The following NUP214 variants were observed in gnomAD, a reference collection of about 807,000 sequenced individuals.
NUP214 encodes nucleoporin 214, also known as nuclear pore complex protein Nup214.
A neutral mutation model predicts 196.2 loss-of-function variants in NUP214; 79 were observed. That is an observed-to-expected ratio of 0.40 (90% CI 0.34 to 0.49). The LOEUF (loss-of-function observed/expected upper bound fraction) is 0.49. NUP214 is among the 20% of genes least tolerant of loss of function. NUP214 has a pLI of 0.58. For synonymous variants in NUP214, 1,020 were observed against 990.5 expected, an observed-to-expected ratio of 1.03 and a Z score of -0.56; for missense variants, 2,468 against 2,539.0, an observed-to-expected ratio of 0.97 and a Z score of 0.60.
intron 30 of NUP214, among the ~76,000 whole-genome samples, chr9:131,203,994 T>C (rs1194466379): frequency 1.3e-5 from 2 of 152,224 alleles, no homozygotes; most frequent in East Asian, 3.8e-4. Context: ...ACTAGACTGA[T>C]ATGGTTCCAG....
At chr9:131,163,611 T>C (rs1832705629) in intron 19 of NUP214, among the ~76,000 whole-genome samples, 1 of 152,308 alleles carries the variant, frequency 6.6e-6, no homozygotes, top group African/African-American at 2.4e-5. Flanking sequence ...TTTGTGTTTA[T>C]GCTTTTAGGC....
chr9:131,136,671 C>T (rs1289455981), intron 9 of NUP214: 3 of 152,182 alleles, frequency 2.0e-5, no homozygotes, highest in Non-Finnish European at 4.4e-5. Context: ...TGTGATTCAC[C>T]AGAAGTACTT....
At chr9:131,147,334 G>C (rs1255068386) in intron 13 of NUP214, among the ~76,000 whole-genome samples, 156 bp from the exon 14 acceptor site, 1 of 152,136 alleles carries the variant, frequency 6.6e-6, no homozygotes, top group African/African-American at 2.4e-5. Context: ...ACAGAGGCTA[G>C]CACAACTGGT....
intron 17 of NUP214, among the ~76,000 whole-genome samples, chr9:131,158,773 G>C (rs561558015): frequency 1.3e-5 from 2 of 152,236 alleles, no homozygotes; most frequent in African/African-American, 4.8e-5. Context: ...TTCCCTGGGG[G>C]CCTAGGCAGC....
At chr9:131,214,643 G>A (rs1834342523) in intron 30 of NUP214, among the ~76,000 whole-genome samples, 1 of 152,170 alleles carries the variant, frequency 6.6e-6, no homozygotes. Context: ...CATCCTCTGA[G>A]CATGAGATTT....
At chr9:131,187,438 G>A in intron 25 of NUP214, 74 bp downstream of exon 25, 1 of 1,115,474 alleles carries the variant, frequency 9.0e-7, no homozygotes, top group South Asian at 1.3e-5. Flanking sequence ...CCAGGCTCAA[G>A]TGCAGTGGTG....
At chr9:131,132,254 G>A (rs977284943) in intron 5 of NUP214, among the ~76,000 whole-genome samples, 1 of 151,472 alleles carries the variant, frequency 6.6e-6, no homozygotes, top group Non-Finnish European at 1.5e-5. Context: ...CGAGTAGCTG[G>A]GATTACGGCA....
rs1409646130 is a variant in NUP214, at chr9:131,175,586, C to T, written c.3284C>T (p.Ala1095Val). ...TCAGCCCCGCAGGCAGCTGCCGCAG[C>T]AGCACTCAGGCGGCAGATGGCCAGT... is the stretch of plus-strand genomic sequence containing the variant. ...PISAPQAAAA[A>V]ALRRQMASQA... The change falls in exon 23 of 36, where the codon GCA (alanine) becomes GTA (valine). Residue 1095 changes from alanine to valine, a missense_variant. Ala to Val is a moderately conservative substitution (Grantham distance 64). Transcript: ENST00000359428. The T allele has an allele frequency of 1.2e-6, 2 of 1,614,206 alleles. No individual in the cohort carries two copies. Among genetic ancestry groups the T allele is most frequent in the Non-Finnish European group, 1.7e-6 (2 of 1,180,034 alleles).
In NUP214 at chr9:131,125,822, G is replaced by A; in HGVS notation, c.45+73G>A. On this transcript the variant is annotated intron_variant, in intron 1 of 35. Transcript: ENST00000359428. The surrounding 1 kb of genome is among the most constrained non-coding windows in gnomAD (Gnocchi z 4.1). ...CCTTGGAGCCCAGCTGAAAGGCGAA[G>A]CGCGGTGCTGGCTGTCCCGCCTCCT... 6.6e-7 allele frequency: 1 copy of A among 1,511,676 alleles called. No individual in the cohort carries two copies. Among genetic ancestry groups the A allele is most frequent in the Non-Finnish European group, 9.0e-7 (1 of 1,113,054 alleles). 93.6% of individuals were successfully genotyped at this position (1,511,676 alleles called of 1,614,324 possible).
chr9:131,188,322 T>G (rs1833512057), intron 25 of NUP214, among the ~76,000 whole-genome samples: 1 of 152,218 alleles, frequency 6.6e-6, no homozygotes, highest in African/African-American at 2.4e-5. Flanking sequence ...TGCAAACAGT[T>G]AAACAATCCA....
At chr9:131,136,069 C>G in intron 9 of NUP214, 63 bp downstream of exon 9, 4 of 1,352,900 alleles carry the variant, frequency 3.0e-6, no homozygotes, top group Non-Finnish European at 4.2e-6. Flanking sequence ...TTGAGACAGT[C>G]TCGCTCTGTT....
In NUP214 at chr9:131,159,393, G is replaced by T. The variant is rs371111817; in HGVS notation, c.2447G>T (p.Arg816Leu). 2 of 1,612,504 alleles carry T rather than the reference G, an allele frequency of 1.2e-6. No individual in the cohort carries two copies. Among genetic ancestry groups the T allele is most frequent in the Non-Finnish European group, 1.7e-6 (2 of 1,179,420 alleles). The stretch of plus-strand genomic sequence containing the variant: ...ATTTTTTTCTTATAGGAAATTCGGC[G>T]CCTTCATCAGTATGTGAAATTTGCT... Reference protein sequence around the residue: ...KSEAQLQEIRRLHQYVKFAVQ... With the variant: ...KSEAQLQEIRLLHQYVKFAVQ... The change falls in exon 18 of 36, where the codon CGC becomes CTC. Residue 816 changes from arginine to leucine, a missense_variant. By Grantham distance (102) the Arg-to-Leu change is moderately radical (BLOSUM62 -2). This residue lies in a region of NUP214 where 1,801 missense variants were observed against 1,779.4 expected (regional missense o/e 1.01). Coordinates refer to ENST00000359428, the MANE Select transcript of NUP214 (RefSeq NM_005085.4).
chr9:131,137,233 A>G (rs1370923750), intron 9 of NUP214, among the ~76,000 whole-genome samples: 1 of 152,220 alleles, frequency 6.6e-6, no homozygotes, highest in African/African-American at 2.4e-5. Context: ...GTTTTTGAAA[A>G]GTAAATAGTA....
chr9:131,157,711 T>C (rs898198248), intron 17 of NUP214, among the ~76,000 whole-genome samples: 1 of 152,088 alleles, frequency 6.6e-6, no homozygotes, highest in Non-Finnish European at 1.5e-5. Flanking sequence ...AGTGGCATGA[T>C]CTCAGCTCAC....
At chr9:131,209,594 A>G (rs929762941) in intron 30 of NUP214, among the ~76,000 whole-genome samples, 18 of 151,974 alleles carry the variant, frequency 1.2e-4, no homozygotes, top group South Asian at 8.3e-4. Context: ...GAGTTTCACC[A>G]TGTTGGCCAG....
intron 31 of NUP214, 99 bp from the exon 32 acceptor site, chr9:131,222,679 C>T: frequency 7.1e-7 from 1 of 1,416,914 alleles, no homozygotes; most frequent in Non-Finnish European, 9.5e-7. Context: ...TTGTCACTCC[C>T]ATCTTTCCAA....
intron 23 of NUP214, among the ~76,000 whole-genome samples, chr9:131,177,913 A>C (rs980282080): frequency 6.6e-6 from 1 of 152,162 alleles, no homozygotes; most frequent in South Asian, 2.1e-4. Flanking sequence ...CCTGGCACAT[A>C]ATAAGCCCAT....
At chr9:131,209,251 G>A (rs566072489) in intron 30 of NUP214, among the ~76,000 whole-genome samples, 2 of 152,198 alleles carry the variant, frequency 1.3e-5, no homozygotes, top group Admixed American at 1.3e-4. Context: ...GGCAGTGCAT[G>A]CCTGTAGTCC....
At position 131,195,260 on chromosome 9, in the gene NUP214, A is replaced by G. The variant is rs1833740646; in HGVS notation, c.3687A>G (p.Thr1229=). Residue 1229 remains threonine (T), a synonymous_variant, in exon 28 of 36, where the codon ACA becomes ACG. Transcript: ENST00000359428. The part of the protein sequence containing the change: ...SGTGFNFGII[T]PTPSSNFTAA... ...CTGGCTTTAATTTTGGGATAATCAC[A>G]CCAACACCGTCTTCTAATTTCACTG... 4 of 1,613,500 alleles carry G rather than the reference A, an allele frequency of 2.5e-6. No individual in the cohort carries two copies. The highest frequency in any genetic ancestry group is 3.4e-6 in the Non-Finnish European group (4 of 1,179,652).
Sources: gnomAD v4.1 joint callset for allele counts (sites outside exome capture counted in the v4.1 genomes callset) on GRCh38, gnomAD v4.1.1 for gene constraint, gnomAD v4.1.1 regional missense constraint, Gnocchi (gnomAD v3.1) non-coding constraint, MANE v1.5 for transcripts, NCBI Gene and HGNC (gene_info 2026-07-23, HGNC 2026-07-21) for gene names.